The following SLC13A3 variants were observed in gnomAD, a reference collection of about 807,000 sequenced individuals.
SLC13A3 encodes the protein solute carrier family 13 member 3, also known as Na(+)/dicarboxylate cotransporter 3.
SLC13A3 carries 40 observed loss-of-function variants against 59.0 expected under a neutral mutation model. That is an observed-to-expected ratio of 0.68 (90% CI 0.53 to 0.88). The LOEUF is 0.88. Among genes scored for constraint, SLC13A3 ranks in the 40% least tolerant of loss-of-function variants. The probability of loss-of-function intolerance (pLI) is 0.00; values close to 1 mark genes in which losing one functional copy is unlikely to be tolerated. For missense variants in SLC13A3, 699 were observed against 783.2 expected, an observed-to-expected ratio of 0.89 and a Z score of 1.28; for synonymous variants, 317 against 330.3, an observed-to-expected ratio of 0.96 and a Z score of 0.44.
intron 1 of SLC13A3, among the ~76,000 whole-genome samples, chr20:46,630,642 G>A (rs1255593400): frequency 1.3e-5 from 2 of 152,188 alleles, no homozygotes; most frequent in African/African-American, 2.4e-5. Flanking sequence ...GCTTCAGAAA[G>A]GTGAATGGAA....
chr20:46,633,004 T>C (rs2062760599), intron 1 of SLC13A3, among the ~76,000 whole-genome samples: 1 of 152,030 alleles, frequency 6.6e-6, no homozygotes, highest in Non-Finnish European at 1.5e-5. Context: ...CTATCATCTA[T>C]CTATCTGGAG....
At chr20:46,590,313 C>A (rs2062240724) in intron 6 of SLC13A3, among the ~76,000 whole-genome samples, 2 of 150,754 alleles carry the variant, frequency 1.3e-5, no homozygotes, top group South Asian at 2.1e-4. Flanking sequence ...TTTCAGAAAC[C>A]ATATGAGAAA....
chr20:46,562,868 C>T (rs1190737041), intron 12 of SLC13A3, among the ~76,000 whole-genome samples: 1 of 152,160 alleles, frequency 6.6e-6, no homozygotes, highest in Non-Finnish European at 1.5e-5. Flanking sequence ...GCAGGTCGCC[C>T]GTCTTGGCTT....
At chr20:46,590,943 A>G (rs2062248097) in intron 6 of SLC13A3, among the ~76,000 whole-genome samples, 1 of 151,562 alleles carries the variant, frequency 6.6e-6, no homozygotes, top group Non-Finnish European at 1.5e-5. Flanking sequence ...AGGTGGGTGG[A>G]TCACTTGAGG....
intron 3 of SLC13A3, among the ~76,000 whole-genome samples, chr20:46,604,465 TG>T (rs1261004408): frequency 6.6e-6 from 1 of 152,168 alleles, no homozygotes. Context: ...AAAAAAAGTT[TG>T]ATTTTTTTTC....
intron 1 of SLC13A3, among the ~76,000 whole-genome samples, chr20:46,636,999 C>A (rs1454928562): frequency 6.6e-6 from 1 of 152,108 alleles, no homozygotes; most frequent in Non-Finnish European, 1.5e-5. Context: ...TGGGATTTCA[C>A]CATGTTGACC....
chr20:46,575,232 C>A lies in SLC13A3; in HGVS notation c.1332+341G>T, dbSNP rs796865332. Reference sequence around the variant, plus strand: ...GCCTGAAGCCATCCTTCCACCTCCACAAGCATGTTGAACAGTGTCTGGCAT... The same window carrying A: ...GCCTGAAGCCATCCTTCCACCTCCAAAAGCATGTTGAACAGTGTCTGGCAT... On this transcript the variant is annotated intron_variant, in intron 10 of 12. Transcript: ENST00000279027. 3.8e-4 allele frequency among the ~76,000 whole-genome samples: 58 copies of A among 152,318 alleles called. 1 individual carries two copies. Among genetic ancestry groups the A allele is most frequent in the African/African-American group, 1.3e-3 (54 of 41,562 alleles).
In SLC13A3 at chr20:46,591,185, TAAATAAATAAAC is replaced by T. The variant is rs1345122273; in HGVS notation, c.920+1207_920+1218del. Reference sequence around the variant, plus strand: ...TTGTCTAAATAAATAAATAAATAAATAAATAAATAAACAAACAAACAAAAATCTGTCACGGAG... The same window carrying T: ...TTGTCTAAATAAATAAATAAATAAATAAACAAACAAAAATCTGTCACGGAG... On this transcript the variant is annotated intron_variant, in intron 6 of 12. Coordinates refer to ENST00000279027, the MANE Select transcript of SLC13A3 (RefSeq NM_022829.6). Among the ~76,000 whole-genome samples, 9 of 149,510 alleles carry T rather than the reference TAAATAAATAAAC, an allele frequency of 6.0e-5. No homozygotes were observed. The East Asian group carries it at 1.0e-3, about 17-fold the overall frequency.
intron 2 of SLC13A3, among the ~76,000 whole-genome samples, chr20:46,611,626 A>T (rs2062494812): frequency 6.6e-6 from 1 of 152,134 alleles, no homozygotes; most frequent in African/African-American, 2.4e-5. Flanking sequence ...TTTATCACCC[A>T]AATTACTCTC....
rs149618450 is a variant in SLC13A3, at chr20:46,647,297, C to T, written c.111+4014G>A. ...ACCTGTGAGTCCCCAGTGTTAAGAA[C>T]TCCTCTTGGACAGGTGGTCAGTATC... On this transcript the variant is annotated intron_variant, in intron 1 of 12. Transcript: ENST00000279027. 8.3e-4 allele frequency among the ~76,000 whole-genome samples: 127 copies of T among 152,280 alleles called. 1 individual carries two copies. The highest frequency in any genetic ancestry group is 2.8e-3 in the African/African-American group (116 of 41,560).
upstream of SLC13A3, among the ~76,000 whole-genome samples, chr20:46,654,279 A>AT (rs1186310671): frequency 6.6e-6 from 1 of 151,984 alleles, no homozygotes; most frequent in Non-Finnish European, 1.5e-5. Context: ...GCCTTGGTCC[A>AT]TTTTTTTAGC....
At chr20:46,599,768 C>A (rs2062353860) in intron 4 of SLC13A3, among the ~76,000 whole-genome samples, 1 of 152,078 alleles carries the variant, frequency 6.6e-6, no homozygotes, top group Non-Finnish European at 1.5e-5. Flanking sequence ...GCTGCCCTAC[C>A]CTTTCCATGT....
At chr20:46,585,174 G>A (rs1214601595) in intron 8 of SLC13A3, 4 of 984,636 alleles carry the variant, frequency 4.1e-6, no homozygotes, top group Non-Finnish European at 4.8e-6. Flanking sequence ...AAGTCCAAAT[G>A]GCAAGTTGTC....
At chr20:46,638,842 G>A (rs578051978) in intron 1 of SLC13A3, among the ~76,000 whole-genome samples, 86 of 152,256 alleles carry the variant, frequency 5.6e-4, no homozygotes, top group Non-Finnish European at 9.1e-4. Flanking sequence ...TGCATGGGAG[G>A]GTGTTTAGCA....
intron 1 of SLC13A3, among the ~76,000 whole-genome samples, chr20:46,629,249 A>T (rs967858197): frequency 6.6e-6 from 1 of 152,220 alleles, no homozygotes; most frequent in Non-Finnish European, 1.5e-5. Flanking sequence ...CAGATATTTA[A>T]TTATTGCAGA....
At chr20:46,625,000 C>G (rs1352638065) in intron 1 of SLC13A3, among the ~76,000 whole-genome samples, 1 of 152,160 alleles carries the variant, frequency 6.6e-6, no homozygotes, top group East Asian at 1.9e-4. Flanking sequence ...AGTCTCCCGA[C>G]TCTGTAATGC....
chr20:46,644,909 TATTC>T (rs1291946172), intron 1 of SLC13A3, among the ~76,000 whole-genome samples: 2 of 152,308 alleles, frequency 1.3e-5, no homozygotes, highest in East Asian at 3.9e-4. Flanking sequence ...TTTTGCCATG[TATTC>T]ATCTTTTCTT....
At position 46,613,523 on chromosome 20, in the gene SLC13A3, T is replaced by C. The variant is rs1194467302; in HGVS notation, c.314A>G (p.Glu105Gly). Residue 105 changes from glutamate (E) to glycine (G), a missense_variant, in exon 2 of 13, where the codon GAG becomes GGG. By Grantham distance (98) the Glu-to-Gly change is moderately conservative. Coordinates refer to ENST00000279027, the MANE Select transcript of SLC13A3 (RefSeq NM_022829.6). ...SGLIMASAIE[E>G]WNLHRRIALK... is the part of the protein sequence containing the mutation. ...GGCGATTCGCCGGTGCAGGTTCCACTCCTCAATGGCGCTGGCCATGATCAG... is the reference window on the plus strand; with the variant it reads ...GGCGATTCGCCGGTGCAGGTTCCACCCCTCAATGGCGCTGGCCATGATCAG... The C allele has an allele frequency of 1.9e-6, 3 of 1,613,284 alleles. No individual in the cohort carries two copies. In the Admixed American group the frequency reaches 5.0e-5, roughly 27 times the overall value.
At chr20:46,582,566 G>T in intron 9 of SLC13A3, 1 of 890,906 alleles carries the variant, frequency 1.1e-6, no homozygotes, top group Non-Finnish European at 1.3e-6. Flanking sequence ...TGGTGCTACT[G>T]CACCCCAGCC....
Sources: gnomAD v4.1 joint callset for allele counts (sites outside exome capture counted in the v4.1 genomes callset) on GRCh38, gnomAD v4.1.1 for gene constraint, MANE v1.5 for transcripts, NCBI Gene and HGNC (gene_info 2026-07-23, HGNC 2026-07-21) for gene names.